Variants in CTIF observed in about 807,000 individuals in gnomAD.
CTIF encodes the protein cap binding complex dependent translation initiation factor.
A neutral mutation model predicts 66.0 loss-of-function variants in CTIF; 21 were observed. The ratio of observed to expected loss-of-function variants is 0.32; its 90% CI spans 0.23 to 0.46. The LOEUF (loss-of-function observed/expected upper bound fraction) is 0.46, where lower values mean the gene tolerates loss of function less well. Ranked by LOEUF, CTIF falls within the 20% of genes least tolerant of loss-of-function variation. The pLI, the probability that CTIF is intolerant of heterozygous loss-of-function variation, is 1.00. For missense variants in CTIF, 739 were observed against 812.7 expected, an observed-to-expected ratio of 0.91 and a Z score of 1.10; for synonymous variants, 345 against 326.4, an observed-to-expected ratio of 1.06 and a Z score of -0.62.
chr18:48,730,415 T>A (rs28638263), intron 7 of CTIF, among the ~76,000 whole-genome samples: 586 of 39,232 alleles, frequency 0.015, 21 homozygotes, highest in Middle Eastern at 0.062. Context: ...CCACGGTGTG[T>A]GGGGCCCCTG....
At chr18:48,689,212 T>C (rs1380344316) in intron 6 of CTIF, among the ~76,000 whole-genome samples, 1 of 152,274 alleles carries the variant, frequency 6.6e-6, no homozygotes, top group Non-Finnish European at 1.5e-5. Context: ...GCCTGTGGCT[T>C]CCTTTTTCAT....
intron 7 of CTIF, among the ~76,000 whole-genome samples, chr18:48,734,177 C>G (rs2092479442): frequency 6.6e-6 from 1 of 152,182 alleles, no homozygotes; most frequent in African/African-American, 2.4e-5. Context: ...CCACCCACTT[C>G]CCCTGGGACA....
At chr18:48,700,547 C>A (rs1460476682) in intron 6 of CTIF, among the ~76,000 whole-genome samples, 1 of 152,210 alleles carries the variant, frequency 6.6e-6, no homozygotes, top group African/African-American at 2.4e-5. Flanking sequence ...GCAGGGGCTC[C>A]CTCCCTGCTA....
chr18:48,649,206 G>A (rs962361214), intron 3 of CTIF, among the ~76,000 whole-genome samples: 1 of 152,084 alleles, frequency 6.6e-6, no homozygotes, highest in African/African-American at 2.4e-5. Context: ...CCTAGCTAAG[G>A]GAAGCCATGA....
At chr18:48,672,576 A>G (rs1042821063) in intron 6 of CTIF, among the ~76,000 whole-genome samples, 3 of 152,166 alleles carry the variant, frequency 2.0e-5, no homozygotes, top group African/African-American at 7.2e-5. Flanking sequence ...GAGCCTGTAC[A>G]TAGATAAGCG....
intron 5 of CTIF, among the ~76,000 whole-genome samples, chr18:48,669,793 T>TTATATTTATATATA (rs2091494659): frequency 2.1e-5 from 1 of 47,260 alleles, no homozygotes; most frequent in African/African-American, 8.4e-5. Context: ...AGCTAAACAT[T>TTATATTTATATATA]TATATATATA....
intron 9 of CTIF, among the ~76,000 whole-genome samples, chr18:48,776,869 G>A (rs1010064188): frequency 6.6e-6 from 1 of 152,236 alleles, no homozygotes; most frequent in African/African-American, 2.4e-5. Context: ...GGGAGGAGGT[G>A]CTCTGGGCTG....
intron 3 of CTIF, among the ~76,000 whole-genome samples, 176 bp from the exon 4 acceptor site, chr18:48,663,576 G>GC (rs2091382485): frequency 6.6e-6 from 1 of 152,060 alleles, no homozygotes; most frequent in Non-Finnish European, 1.5e-5. Flanking sequence ...GAGGGCCTAT[G>GC]CCTGGGGGGA....
At position 48,596,831 on chromosome 18, in the gene CTIF, CCTAT is replaced by C. The variant is rs531519708; in HGVS notation, c.-28-22704_-28-22701del. On this transcript the variant is annotated intron_variant, in intron 1 of 11. Transcript: ENST00000256413. ...TTCCCTTTACACCTCATTGGTCACT[CCTAT>C]CTGTGAGGGAGGCTGCAAAATGTAG... 1.1e-3 allele frequency among the ~76,000 whole-genome samples: 171 copies of C among 152,294 alleles called. 1 individual carries two copies. The highest frequency in any genetic ancestry group is 4.0e-3 in the African/African-American group (165 of 41,552).
intron 1 of CTIF, among the ~76,000 whole-genome samples, chr18:48,559,222 T>G (rs956818677): frequency 1.0e-4 from 1 of 9,856 alleles, no homozygotes; most frequent in African/African-American, 2.0e-4. Flanking sequence ...TTTGTTGTTG[T>G]TTTTTTTTTT....
At chr18:48,748,423 C>G (rs1342145963) in intron 7 of CTIF, among the ~76,000 whole-genome samples, 1 of 152,048 alleles carries the variant, frequency 6.6e-6, no homozygotes, top group South Asian at 2.1e-4. Flanking sequence ...TACCTTTACT[C>G]CACCTTCACT....
chr18:48,827,942 A>T (rs1285727138), intron 10 of CTIF, among the ~76,000 whole-genome samples: 1 of 151,678 alleles, frequency 6.6e-6, no homozygotes, highest in African/African-American at 2.4e-5. Flanking sequence ...AAGCGGCCCC[A>T]TCTGAAGCTG....
intron 10 of CTIF, among the ~76,000 whole-genome samples, chr18:48,855,597 C>CG (rs2069310288): frequency 6.6e-6 from 1 of 152,150 alleles, no homozygotes; most frequent in Non-Finnish European, 1.5e-5. Context: ...GGGACAGTAG[C>CG]GTGGGCTGTG....
chr18:48,857,917 G>A lies in CTIF; in HGVS notation c.1581+276G>A, dbSNP rs116828437. ...TCCCTGTCCCCCAAAGACCCCCTGCGCCCCAGCTCAGGCATGCCACACAAA... is the reference window on the plus strand; with the variant it reads ...TCCCTGTCCCCCAAAGACCCCCTGCACCCCAGCTCAGGCATGCCACACAAA... On this transcript the variant is annotated intron_variant, in intron 11 of 11. Coordinates refer to ENST00000256413, the MANE Select transcript of CTIF (RefSeq NM_014772.3). Among the ~76,000 whole-genome samples the A allele has an allele frequency of 9.9e-3, 1,513 of 152,274 alleles. 17 individuals are homozygous for A. Among genetic ancestry groups the A allele is most frequent in the African/African-American group, 0.033 (1,380 of 41,552 alleles).
intron 6 of CTIF, among the ~76,000 whole-genome samples, chr18:48,696,818 C>A (rs999467069): frequency 1.3e-5 from 2 of 152,226 alleles, no homozygotes; most frequent in Non-Finnish European, 2.9e-5. Context: ...AGAAGTGAGA[C>A]ACTTGTTACA....
chr18:48,779,934 G>C (rs547887049), intron 9 of CTIF, among the ~76,000 whole-genome samples: 2 of 152,172 alleles, frequency 1.3e-5, no homozygotes, highest in African/African-American at 4.8e-5. Flanking sequence ...CCTGGTCTGT[G>C]GGGTATGGGC....
chr18:48,625,768 C>G (rs1370189389), intron 2 of CTIF, among the ~76,000 whole-genome samples: 1 of 152,166 alleles, frequency 6.6e-6, no homozygotes, highest in African/African-American at 2.4e-5. Context: ...GGTAGGCACT[C>G]AGGTTACTTC....
intron 9 of CTIF, among the ~76,000 whole-genome samples, chr18:48,772,508 ACTCCCCTACAGCAATGC>A (rs1159013406): frequency 3.5e-4 from 53 of 151,310 alleles, no homozygotes; most frequent in Non-Finnish European, 4.1e-4. Flanking sequence ...TACAGCAATA[ACTCCCCTACAGCAATGC>A]CTCCCCTCCA....
At chr18:48,783,742 T>C (rs1911457521) in intron 9 of CTIF, among the ~76,000 whole-genome samples, 1 of 152,082 alleles carries the variant, frequency 6.6e-6, no homozygotes, top group Non-Finnish European at 1.5e-5. Context: ...AATTCAGTGT[T>C]TTGCTGTCTG....
Sources: allele counts gnomAD v4.1 joint callset (sites outside exome capture counted in the v4.1 genomes callset), GRCh38; gene constraint gnomAD v4.1.1; transcripts MANE v1.5; gene names NCBI Gene and HGNC (gene_info 2026-07-23, HGNC 2026-07-21).